Variants in NXPH1 observed in about 807,000 individuals in gnomAD.
NXPH1 encodes the protein neurexophilin 1.
In NXPH1, 5 loss-of-function variants were observed where a neutral mutation model predicts 23.7. That is an observed-to-expected ratio of 0.21 (90% confidence interval 0.11 to 0.44). The LOEUF (loss-of-function observed/expected upper bound fraction) is 0.44, where lower values mean the gene tolerates loss of function less well. NXPH1 is among the 20% of genes least tolerant of loss of function. The pLI, the probability that NXPH1 is intolerant of heterozygous loss-of-function variation, is 0.99. For synonymous variants in NXPH1, 144 were observed against 122.2 expected (o/e 1.18, Z -1.18); for missense variants, 324 against 321.6 (o/e 1.01, Z -0.06).
intron 2 of NXPH1, among the ~76,000 whole-genome samples, chr7:8,738,740 G>T (rs2115225261): frequency 6.6e-6 from 1 of 152,264 alleles, no homozygotes; most frequent in South Asian, 2.1e-4. Flanking sequence ...ACTTCCCCCA[G>T]GTGCTCTGTC....
At chr7:8,737,888 T>A (rs1780289620) in intron 2 of NXPH1, among the ~76,000 whole-genome samples, 1 of 152,232 alleles carries the variant, frequency 6.6e-6, no homozygotes. Context: ...AAGTTGATCT[T>A]CAATCTCTGA....
intron 2 of NXPH1, among the ~76,000 whole-genome samples, chr7:8,619,196 C>G (rs182975526): frequency 1.9e-4 from 29 of 151,962 alleles, no homozygotes; most frequent in African/African-American, 7.0e-4. Context: ...AGGTGGCGTG[C>G]ATTTTGAAGG....
intron 2 of NXPH1, among the ~76,000 whole-genome samples, chr7:8,634,625 T>C (rs930462672): frequency 6.6e-6 from 1 of 151,838 alleles, no homozygotes; most frequent in African/African-American, 2.4e-5. Context: ...GTGAGTTCTT[T>C]CTTCTGCAGT....
At chr7:8,663,103 G>A (rs1720967796) in intron 2 of NXPH1, among the ~76,000 whole-genome samples, 1 of 152,072 alleles carries the variant, frequency 6.6e-6, no homozygotes, top group African/African-American at 2.4e-5. Context: ...AGGGTATCAG[G>A]ATGTGGTCCC....
At position 8,437,619 on chromosome 7, in the gene NXPH1, A is replaced by G. The variant is rs902444537; in HGVS notation, c.54+1852A>G. Among the ~76,000 whole-genome samples the G allele has an allele frequency of 9.2e-5, 14 of 152,346 alleles. No individual in the cohort carries two copies. The East Asian group carries it at 1.9e-3, about 21-fold the overall frequency. ...TCTATCAAAAGCAGAAGTGAAATCA[A>G]TACTTTGTGTTAAATTTTAAATGTG... On this transcript the variant is annotated intron_variant, in intron 2 of 2. Coordinates refer to ENST00000405863, the MANE Select transcript of NXPH1 (RefSeq NM_152745.3).
chr7:8,718,904 A>G (rs1779920353), intron 2 of NXPH1, among the ~76,000 whole-genome samples: 1 of 152,252 alleles, frequency 6.6e-6, no homozygotes. Flanking sequence ...ACCTAACTGT[A>G]TGAGGAAGCA....
At chr7:8,630,761 GT>G (rs1820109075) in intron 2 of NXPH1, among the ~76,000 whole-genome samples, 1 of 152,050 alleles carries the variant, frequency 6.6e-6, no homozygotes, top group African/African-American at 2.4e-5. Flanking sequence ...CAAATGCTGG[GT>G]TTTTTCTCCT....
At chr7:8,703,958 G>C (rs563145300) in intron 2 of NXPH1, among the ~76,000 whole-genome samples, 2 of 152,082 alleles carry the variant, frequency 1.3e-5, no homozygotes, top group Non-Finnish European at 2.9e-5. Flanking sequence ...GAATACTCCA[G>C]AGGAAGAATG....
chr7:8,449,526 T>C (rs897923248), intron 2 of NXPH1, among the ~76,000 whole-genome samples: 16 of 152,324 alleles, frequency 1.1e-4, no homozygotes, highest in African/African-American at 3.8e-4. Context: ...CATATTAATA[T>C]CTTTACTGTT....
At chr7:8,516,538 A>G (rs1817690640) in intron 2 of NXPH1, among the ~76,000 whole-genome samples, 1 of 152,156 alleles carries the variant, frequency 6.6e-6, no homozygotes, top group Non-Finnish European at 1.5e-5. Flanking sequence ...GTGCTCAAGG[A>G]TATCTTGATC....
At chr7:8,691,345 C>T (rs1341809518) in intron 2 of NXPH1, among the ~76,000 whole-genome samples, 1 of 152,012 alleles carries the variant, frequency 6.6e-6, no homozygotes, top group Non-Finnish European at 1.5e-5. Context: ...GACAGGGTTT[C>T]TTCAGGTTTG....
intron 2 of NXPH1, among the ~76,000 whole-genome samples, chr7:8,712,242 TTA>T (rs774172348): frequency 1.3e-5 from 2 of 152,202 alleles, no homozygotes; most frequent in Non-Finnish European, 2.9e-5. Flanking sequence ...TCAGTTTTCT[TTA>T]TGTTATTTTT....
intron 2 of NXPH1, among the ~76,000 whole-genome samples, chr7:8,667,292 T>C (rs956806278): frequency 4.6e-5 from 7 of 152,124 alleles, no homozygotes; most frequent in African/African-American, 1.2e-4. Context: ...TTGTGTGTTA[T>C]ACATTAGTGT....
At position 8,672,661 on chromosome 7, in the gene NXPH1, A is replaced by G. The variant is rs186624836; in HGVS notation, c.55-78347A>G. The stretch of plus-strand genomic sequence containing the variant: ...AAGAAGTCTGCATTTTGAAGAAATA[A>G]TAAGTGAGAATAGAAGTCAGGGAAG... On this transcript the variant is annotated intron_variant, in intron 2 of 2. Transcript: ENST00000405863. Among the ~76,000 whole-genome samples, 361 of 152,324 alleles carry G rather than the reference A, an allele frequency of 2.4e-3. 4 individuals carry two copies. The highest frequency in any genetic ancestry group is 8.4e-4 in the Non-Finnish European group (57 of 68,010).
intron 2 of NXPH1, among the ~76,000 whole-genome samples, chr7:8,654,079 C>G (rs1167898969): frequency 6.6e-6 from 1 of 152,134 alleles, no homozygotes; most frequent in Non-Finnish European, 1.5e-5. Context: ...GCTAGCAGGA[C>G]AGCAGAAATC....
chr7:8,655,241 T>C (rs188484140), intron 2 of NXPH1, among the ~76,000 whole-genome samples: 1 of 152,140 alleles, frequency 6.6e-6, no homozygotes, highest in East Asian at 1.9e-4. Flanking sequence ...AAAAATTAGC[T>C]GGCCGTGGTG....
intron 2 of NXPH1, among the ~76,000 whole-genome samples, chr7:8,542,633 C>G (rs1383140422): frequency 6.6e-6 from 1 of 151,490 alleles, no homozygotes; most frequent in African/African-American, 2.4e-5. Flanking sequence ...GTTTCTCTGA[C>G]CACAGCAAAA....
intron 2 of NXPH1, among the ~76,000 whole-genome samples, chr7:8,728,170 A>AT (rs890095286): frequency 1.3e-5 from 2 of 151,866 alleles, no homozygotes. Context: ...AATGCTTGTG[A>AT]TTTTTTTACT....
At chr7:8,584,529 G>A (rs1290742092) in intron 2 of NXPH1, among the ~76,000 whole-genome samples, 3 of 152,132 alleles carry the variant, frequency 2.0e-5, no homozygotes, top group African/African-American at 7.2e-5. Context: ...AATAAGCCAA[G>A]CTTTCTATAG....
Sources: allele counts gnomAD v4.1 joint callset (sites outside exome capture counted in the v4.1 genomes callset), GRCh38; gene constraint gnomAD v4.1.1; transcripts MANE v1.5; gene names NCBI Gene and HGNC (gene_info 2026-07-23, HGNC 2026-07-21).